BICDL1: variants seen among roughly 807,000 people sequenced by gnomAD.
BICDL1 encodes the protein BICD family like cargo adaptor 1, also known as BICD family-like cargo adapter 1.
BICDL1 carries 20 observed loss-of-function variants against 76.8 expected under a neutral mutation model. The ratio of observed to expected loss-of-function variants is 0.26; its 90% CI spans 0.18 to 0.38. The LOEUF (loss-of-function observed/expected upper bound fraction) is 0.38. Among genes scored for constraint, BICDL1 ranks in the 10% least tolerant of loss-of-function variants. BICDL1 has a pLI of 1.00. For synonymous variants in BICDL1, 383 were observed against 337.1 expected (o/e 1.14, Z -1.49); for missense variants, 700 against 798.6 (o/e 0.88, Z 1.49).
intron 1 of BICDL1, among the ~76,000 whole-genome samples, chr12:119,994,299 G>A (rs1439022231): frequency 6.6e-6 from 1 of 151,942 alleles, no homozygotes; most frequent in East Asian, 1.9e-4. Flanking sequence ...AAACCCAGGG[G>A]TTCTGATTTG....
intron 2 of BICDL1, among the ~76,000 whole-genome samples, chr12:120,007,603 G>A (rs1296623844): frequency 6.6e-6 from 1 of 152,166 alleles, no homozygotes; most frequent in East Asian, 1.9e-4. Context: ...AGCCTCTAAT[G>A]CCTTATCCAC....
chr12:120,059,261 ATTTG>A (rs1046140871), intron 2 of BICDL1, among the ~76,000 whole-genome samples: 5 of 151,656 alleles, frequency 3.3e-5, no homozygotes, highest in Admixed American at 6.6e-5. Context: ...TGCCCGGTTA[ATTTG>A]TTTGTTTGTT....
intron 2 of BICDL1, among the ~76,000 whole-genome samples, chr12:120,038,992 A>C (rs1243572510): frequency 6.6e-6 from 1 of 152,156 alleles, no homozygotes; most frequent in Non-Finnish European, 1.5e-5. Context: ...ACTTTTAAAA[A>C]TATGAATTAG....
intron 2 of BICDL1, among the ~76,000 whole-genome samples, chr12:120,015,031 A>C (rs1007009567): frequency 2.0e-5 from 3 of 152,146 alleles, no homozygotes; most frequent in Non-Finnish European, 4.4e-5. Flanking sequence ...TATGAGAGTC[A>C]GGGAAAGTGA....
In BICDL1 at chr12:120,056,453, G is replaced by A. The variant is rs192111038; in HGVS notation, c.646-5257G>A. On this transcript the variant is annotated intron_variant, in intron 2 of 9. Coordinates refer to ENST00000548673, the MANE Select transcript of BICDL1 (RefSeq NM_001367886.1). ...GAATGAATTGAGGCCGGGCGCAGTG[G>A]CTCACGCCTGTAATCCTAGCACTTT... 4.1e-3 allele frequency among the ~76,000 whole-genome samples: 619 copies of A among 152,298 alleles called. 12 individuals are homozygous for A. The highest frequency in any genetic ancestry group is 3.2e-3 in the Non-Finnish European group (216 of 68,016).
intron 8 of BICDL1, among the ~76,000 whole-genome samples, chr12:120,084,360 A>G (rs529378741): frequency 1.1e-3 from 168 of 152,234 alleles, no homozygotes; most frequent in Middle Eastern, 3.4e-3. Flanking sequence ...TTTAATCCCA[A>G]TTTTACAGAT....
In BICDL1 at chr12:120,079,381, C is replaced by T. The variant is rs983933293; in HGVS notation, c.1453-1506C>T. 6.6e-6 allele frequency among the ~76,000 whole-genome samples: 1 copy of T among 152,120 alleles called. No individual in the cohort carries two copies. Among genetic ancestry groups the T allele is most frequent in the African/African-American group, 2.4e-5 (1 of 41,430 alleles). On this transcript the variant is annotated intron_variant, in intron 7 of 9. Coordinates refer to ENST00000548673, the MANE Select transcript of BICDL1 (RefSeq NM_001367886.1). This position sits in a 1 kb window ranked among gnomAD's most constrained non-coding sequence, Gnocchi z 4.3. ...TTGATCTTCAGCCTTACACCTGGGG[C>T]CTTTGCTCAGTTTCATTCTAGCTGA...
intron 9 of BICDL1, chr12:120,091,996 G>T: frequency 1.0e-6 from 1 of 985,418 alleles, no homozygotes. Flanking sequence ...AAAGCTTGGG[G>T]TCTTACCAGG....
intron 2 of BICDL1, among the ~76,000 whole-genome samples, chr12:120,008,936 G>A (rs556118391): frequency 6.6e-6 from 1 of 150,912 alleles, no homozygotes; most frequent in African/African-American, 2.4e-5. Flanking sequence ...TATTCTTCCG[G>A]CATAGAGGTG....
intron 8 of BICDL1, among the ~76,000 whole-genome samples, chr12:120,089,290 A>ATG (rs750654231): frequency 7.9e-5 from 10 of 126,408 alleles, no homozygotes; most frequent in African/African-American, 3.6e-4. Context: ...GTGTGTGTGT[A>ATG]TGTGTGTGTG....
intron 2 of BICDL1, among the ~76,000 whole-genome samples, chr12:120,009,189 T>C (rs569186204): frequency 6.6e-6 from 1 of 152,224 alleles, no homozygotes; most frequent in African/African-American, 2.4e-5. Context: ...GGTTTCACCA[T>C]GTTGGCCAGG....
chr12:120,020,600 A>G (rs1347389077), intron 2 of BICDL1, among the ~76,000 whole-genome samples: 1 of 152,196 alleles, frequency 6.6e-6, no homozygotes, highest in Non-Finnish European at 1.5e-5. Flanking sequence ...GCTCATGTTT[A>G]TAGAAGTAAT....
At chr12:120,006,671 A>G (rs1018379617) in intron 2 of BICDL1, among the ~76,000 whole-genome samples, 3 of 152,190 alleles carry the variant, frequency 2.0e-5, no homozygotes, top group African/African-American at 7.2e-5. Flanking sequence ...AAAGAAAACA[A>G]CATGTAAAAG....
At chr12:119,995,267 T>C (rs1238532281) in intron 1 of BICDL1, among the ~76,000 whole-genome samples, 1 of 152,214 alleles carries the variant, frequency 6.6e-6, no homozygotes, top group South Asian at 2.1e-4. Context: ...GAGCAGATGC[T>C]AAATTCTGTA....
Position 120,072,716 on chromosome 12 carries a change from G to A in BICDL1, c.1295G>A (p.Gly432Asp). ...AGACTGATACAGAGCATTGTGGATG[G>A]CATGGAGCCCACGGTAAGAGGCCAG... is the stretch of plus-strand genomic sequence containing the variant. Reference protein sequence around the residue: ...LKRLIQSIVDGMEPTGSRRLD... With the variant: ...LKRLIQSIVDDMEPTGSRRLD... Residue 432 changes from glycine to aspartate, a missense_variant, in exon 6 of 10, where the codon GGC becomes GAC. Gly to Asp is a moderately conservative substitution (Grantham distance 94, BLOSUM62 -1). Coordinates refer to ENST00000548673, the MANE Select transcript of BICDL1 (RefSeq NM_001367886.1). 3 of 1,612,424 alleles carry A rather than the reference G, an allele frequency of 1.9e-6. No homozygotes were observed. The highest frequency in any genetic ancestry group is 2.5e-6 in the Non-Finnish European group (3 of 1,179,730).
rs1254379113 is a variant in BICDL1 at position 119,989,386 on chromosome 12, A to ACAGCAG, written c.-473_-468dup. On this transcript the variant is annotated 5_prime_UTR_variant, in exon 1 of 10. Transcript: ENST00000548673. ...CGGCTGCAGAGAGCGGCCGCCGGCA[A>ACAGCAG]CAGCAGCAGCAGCAGGAAGCGTCGC... Among the ~76,000 whole-genome samples, 1 of 150,354 alleles carries ACAGCAG rather than the reference A, an allele frequency of 6.7e-6. No individual in the cohort carries two copies. The highest frequency in any genetic ancestry group is 1.5e-5 in the Non-Finnish European group (1 of 67,414).
intron 2 of BICDL1, among the ~76,000 whole-genome samples, chr12:120,014,677 G>A (rs911806252): frequency 6.6e-6 from 1 of 150,394 alleles, no homozygotes; most frequent in Non-Finnish European, 1.5e-5. Context: ...GTGACAGAGC[G>A]AGACTCCATC....
intron 8 of BICDL1, 49 bp from the exon 9 acceptor site, chr12:120,089,902 T>C: frequency 6.3e-7 from 1 of 1,599,850 alleles, no homozygotes; most frequent in South Asian, 1.1e-5. Flanking sequence ...AAGACCAAGA[T>C]GCCTCTGGCA....
At chr12:120,066,741 C>G (rs1391040398) in intron 4 of BICDL1, among the ~76,000 whole-genome samples, 1 of 152,210 alleles carries the variant, frequency 6.6e-6, no homozygotes, top group East Asian at 1.9e-4. Flanking sequence ...ATGTGAAACT[C>G]TCCAGTTGCC....
Sources: gnomAD v4.1 joint callset for allele counts (sites outside exome capture counted in the v4.1 genomes callset) on GRCh38, gnomAD v4.1.1 for gene constraint, Gnocchi (gnomAD v3.1) non-coding constraint, MANE v1.5 for transcripts, NCBI Gene and HGNC (gene_info 2026-07-23, HGNC 2026-07-21) for gene names.